CDH12: variants seen among roughly 807,000 people sequenced by gnomAD.
The protein encoded by CDH12 is cadherin 12, also known as cadherin-12.
CDH12 carries 41 observed loss-of-function variants against 74.1 expected under a neutral mutation model. That is an observed-to-expected ratio of 0.55 (90% CI 0.43 to 0.72). The LOEUF is 0.72. Ranked by LOEUF, CDH12 falls within the 30% of genes least tolerant of loss-of-function variation. The probability of loss-of-function intolerance (pLI) is 0.00; values close to 1 mark genes in which losing one functional copy is unlikely to be tolerated. For missense variants in CDH12, 945 were observed against 977.2 expected, an observed-to-expected ratio of 0.97 and a Z score of 0.44; for synonymous variants, 399 against 355.0, an observed-to-expected ratio of 1.12 and a Z score of -1.39.
chr5:22,040,952 TAC>T (rs1445407089), intron 5 of CDH12, among the ~76,000 whole-genome samples: 1 of 152,046 alleles, frequency 6.6e-6, no homozygotes, highest in Non-Finnish European at 1.5e-5. Flanking sequence ...CATATATACA[TAC>T]ACACACACTA....
At chr5:21,795,264 C>T (rs1290913414) in intron 10 of CDH12, among the ~76,000 whole-genome samples, 1 of 151,456 alleles carries the variant, frequency 6.6e-6, no homozygotes, top group East Asian at 1.9e-4. Context: ...CAATTGTGAT[C>T]CAACATTTTG....
At chr5:21,762,976 C>A (rs890139128) in intron 12 of CDH12, among the ~76,000 whole-genome samples, 3 of 151,120 alleles carry the variant, frequency 2.0e-5, no homozygotes, top group African/African-American at 7.3e-5. Context: ...CCAAAACAAC[C>A]AAATCAGGTT....
At chr5:21,940,846 T>C (rs147199221) in intron 6 of CDH12, among the ~76,000 whole-genome samples, 2 of 152,086 alleles carry the variant, frequency 1.3e-5, no homozygotes, top group Non-Finnish European at 2.9e-5. Flanking sequence ...TCTGTTTCTC[T>C]CTCTCTCTCT....
At chr5:22,390,380 T>C in intron 3 of CDH12, among the ~76,000 whole-genome samples, 1 of 152,198 alleles carries the variant, frequency 6.6e-6, no homozygotes, top group East Asian at 1.9e-4. Flanking sequence ...AATTTTTGTT[T>C]GAAAATATAT....
At chr5:22,279,171 G>A (rs1054597434) in intron 3 of CDH12, among the ~76,000 whole-genome samples, 3 of 152,030 alleles carry the variant, frequency 2.0e-5, no homozygotes, top group Non-Finnish European at 4.4e-5. Context: ...CTAAAGCCTA[G>A]AAACATCTTC....
intron 1 of CDH12, among the ~76,000 whole-genome samples, chr5:22,765,569 T>A (rs988275833): frequency 6.6e-6 from 1 of 152,014 alleles, no homozygotes; most frequent in Non-Finnish European, 1.5e-5. Flanking sequence ...AATTTTCAGA[T>A]TGATTTTTTA....
chr5:22,169,065 A>AATTCAGACCTGCTCATTTCC (rs1748864415), intron 4 of CDH12, among the ~76,000 whole-genome samples: 1 of 151,630 alleles, frequency 6.6e-6, no homozygotes, highest in African/African-American at 2.4e-5. Flanking sequence ...TCTCTAGTCT[A>AATTCAGACCTGCTCATTTCC]ATTCAGACCT....
chr5:22,810,885 A>C (rs1173885444), intron 1 of CDH12, among the ~76,000 whole-genome samples: 1 of 151,146 alleles, frequency 6.6e-6, no homozygotes, highest in Non-Finnish European at 1.5e-5. Flanking sequence ...TTCTCTCAAA[A>C]AACAAAAACA....
chr5:21,909,896 A>ACCC (rs1233297046), intron 6 of CDH12, among the ~76,000 whole-genome samples: 1 of 152,150 alleles, frequency 6.6e-6, no homozygotes, highest in Non-Finnish European at 1.5e-5. Context: ...CAATATCTTA[A>ACCC]ATATCTGTAC....
At chr5:22,551,979 ATTG>A (rs150621751) in intron 1 of CDH12, among the ~76,000 whole-genome samples, 24,504 of 152,000 alleles carry the variant, frequency 0.16, 2,526 homozygotes, top group East Asian at 0.36. Flanking sequence ...ATAGTTTCCT[ATTG>A]TTGTTTTTTG....
chr5:22,720,002 A>G (rs1229774237), intron 1 of CDH12, among the ~76,000 whole-genome samples: 2 of 151,552 alleles, frequency 1.3e-5, no homozygotes, highest in Non-Finnish European at 2.9e-5. Flanking sequence ...TCAACCAAAA[A>G]ACTGCTGCCT....
chr5:22,029,827 G>A (rs1166274279), intron 5 of CDH12, among the ~76,000 whole-genome samples: 19 of 151,064 alleles, frequency 1.3e-4, no homozygotes, highest in South Asian at 4.2e-4. Flanking sequence ...TGTTTATTGC[G>A]GCACTATTCA....
intron 4 of CDH12, among the ~76,000 whole-genome samples, chr5:22,109,927 T>G (rs1232197403): frequency 6.6e-6 from 1 of 152,130 alleles, no homozygotes; most frequent in African/African-American, 2.4e-5. Flanking sequence ...AAAGAAGTAG[T>G]TGGAGTCACT....
At position 22,354,347 on chromosome 5, in the gene CDH12, C is replaced by T. The variant is rs1740477933; in HGVS notation, c.-333+50910G>A. Among the ~76,000 whole-genome samples, 2 of 152,210 alleles carry T rather than the reference C, an allele frequency of 1.3e-5. 1 individual carries two copies. Among genetic ancestry groups the T allele is most frequent in the South Asian group, 4.1e-4 (2 of 4,828 alleles). ...TGACAAAACCACCCCCAACCCGCAA[C>T]CATCAACCATCGCCATCACCACCAG... On this transcript the variant is annotated intron_variant, in intron 3 of 14. Transcript: ENST00000382254.
At chr5:21,973,767 C>A (rs546203825) in intron 6 of CDH12, among the ~76,000 whole-genome samples, 2 of 152,244 alleles carry the variant, frequency 1.3e-5, no homozygotes, top group African/African-American at 4.8e-5. Flanking sequence ...CTTTATTTTT[C>A]TCCCTGTAAA....
At chr5:21,950,757 T>TTTTTTTTTATTATTA (rs369699094) in intron 6 of CDH12, among the ~76,000 whole-genome samples, 18 of 137,006 alleles carry the variant, frequency 1.3e-4, no homozygotes, top group Admixed American at 3.0e-4. Flanking sequence ...TAAATTTTAT[T>TTTTTTTTTATTATTA]TTATTATTAT....
chr5:22,187,232 G>T (rs1194625076), intron 4 of CDH12, among the ~76,000 whole-genome samples: 12 of 152,118 alleles, frequency 7.9e-5, no homozygotes, highest in Admixed American at 3.9e-4. Context: ...TATATTGCTG[G>T]CAGGTGATGA....
At chr5:22,257,367 C>T (rs542957573) in intron 3 of CDH12, among the ~76,000 whole-genome samples, 26 of 151,434 alleles carry the variant, frequency 1.7e-4, no homozygotes, top group African/African-American at 5.8e-4. Context: ...AATTAAAAAT[C>T]GAGAAAAGCT....
chr5:22,377,906 C>T (rs764904475), intron 3 of CDH12, among the ~76,000 whole-genome samples: 6 of 152,010 alleles, frequency 3.9e-5, no homozygotes, highest in Non-Finnish European at 4.4e-5. Flanking sequence ...TGCTACATTG[C>T]TAATATACTA....
Sources: allele counts gnomAD v4.1 joint callset (sites outside exome capture counted in the v4.1 genomes callset), GRCh38; gene constraint gnomAD v4.1.1; transcripts MANE v1.5; gene names NCBI Gene and HGNC (gene_info 2026-07-23, HGNC 2026-07-21).